RPN2: variants seen among roughly 807,000 people sequenced by gnomAD.
RPN2 encodes the protein ribophorin II.
In RPN2, 29 loss-of-function variants were observed where a neutral mutation model predicts 71.4. The ratio of observed to expected loss-of-function variants is 0.41; its 90% CI spans 0.30 to 0.55. The LOEUF (loss-of-function observed/expected upper bound fraction) is 0.55. Ranked by LOEUF, RPN2 falls within the 20% of genes least tolerant of loss-of-function variation. The probability of loss-of-function intolerance (pLI) is 0.35; values close to 1 mark genes in which losing one functional copy is unlikely to be tolerated. For missense variants in RPN2, 726 were observed against 774.1 expected (o/e 0.94, Z 0.74); for synonymous variants, 308 against 305.0 (o/e 1.01, Z -0.10).
At chr20:37,234,990 A>G (rs1341894121) in intron 15 of RPN2, among the ~76,000 whole-genome samples, 1 of 152,252 alleles carries the variant, frequency 6.6e-6, no homozygotes. Context: ...TGACCTTAAT[A>G]TTTTTAAAAT....
chr20:37,179,919 A>G (rs1048776486), intron 1 of RPN2, among the ~76,000 whole-genome samples: 26 of 152,018 alleles, frequency 1.7e-4, no homozygotes, highest in African/African-American at 6.3e-4. Flanking sequence ...ACCCCTCTAC[A>G]CCTCAGTTTC....
intron 14 of RPN2, among the ~76,000 whole-genome samples, chr20:37,232,924 T>C (rs2068290371): frequency 6.6e-6 from 1 of 152,128 alleles, no homozygotes; most frequent in African/African-American, 2.4e-5. Context: ...CTGTAAAGTT[T>C]TAAAAGGTGG....
chr20:37,228,781 G>T (rs888465546), intron 12 of RPN2, 37 bp downstream of exon 12: 4 of 1,603,802 alleles, frequency 2.5e-6, no homozygotes, highest in Non-Finnish European at 3.4e-6. Context: ...AGGTGAGAGT[G>T]GCTGTGCCCC....
intron 1 of RPN2, among the ~76,000 whole-genome samples, chr20:37,181,431 CTTTTTTT>C (rs748226554): frequency 6.2e-5 from 8 of 129,432 alleles, no homozygotes; most frequent in African/African-American, 2.0e-4. Flanking sequence ...TTTTTCTTTT[CTTTTTTT>C]TTTTTTTTTT....
At chr20:37,238,284 C>A in intron 16 of RPN2, 3 of 803,500 alleles carry the variant, frequency 3.7e-6, no homozygotes, top group Non-Finnish European at 4.3e-6. Context: ...TGAACTCTAC[C>A]CTGGAAAAAT....
chr20:37,189,765 G>T (rs75871137), intron 2 of RPN2, among the ~76,000 whole-genome samples: 458 of 152,314 alleles, frequency 3.0e-3, no homozygotes, highest in Non-Finnish European at 5.0e-3. Context: ...CTGAATCATT[G>T]TAAGAAGAAA....
At chr20:37,220,535 C>T (rs1397525598) in intron 9 of RPN2, among the ~76,000 whole-genome samples, 2 of 152,134 alleles carry the variant, frequency 1.3e-5, no homozygotes, top group Non-Finnish European at 2.9e-5. Flanking sequence ...ACTGCATTTC[C>T]TGGCGTTAAA....
In RPN2 at chr20:37,228,487, A is replaced by G. The variant is rs147288882; in HGVS notation, c.1300-63A>G. 66 of 1,512,980 alleles carry G rather than the reference A, an allele frequency of 4.4e-5. No homozygotes were observed. The African/African-American group carries it at 5.9e-4, about 13-fold the overall frequency. The allele number at this position is 1,512,980 out of a possible 1,614,324, so 93.7% of individuals were successfully genotyped here. On this transcript the variant is annotated intron_variant, in intron 11 of 16. Coordinates refer to ENST00000237530, the MANE Select transcript of RPN2 (RefSeq NM_002951.5). ...AACCGTCTGCTGCCCGGTGGATTCA[A>G]TGTTAGGCCCAGGGAGAATCTTGAA... is the stretch of plus-strand genomic sequence containing the variant.
At chr20:37,217,508 G>A (rs762803332) in intron 9 of RPN2, among the ~76,000 whole-genome samples, 63 of 151,772 alleles carry the variant, frequency 4.2e-4, no homozygotes, top group Admixed American at 6.6e-4. Flanking sequence ...GGCCAGGATG[G>A]TCTTGATCTC....
At chr20:37,208,267 TA>T (rs33943502) in intron 7 of RPN2, among the ~76,000 whole-genome samples, 276 of 141,542 alleles carry the variant, frequency 1.9e-3, no homozygotes, top group African/African-American at 5.5e-3. Context: ...AGACCCTGTC[TA>T]AAAAAAAAAA....
At chr20:37,238,444 A>C in intron 16 of RPN2, 9 of 1,606,072 alleles carry the variant, frequency 5.6e-6, no homozygotes, top group Non-Finnish European at 7.7e-6. Flanking sequence ...AATATAGGAC[A>C]CTACGGTAAA....
intron 4 of RPN2, among the ~76,000 whole-genome samples, chr20:37,201,341 C>T (rs1189124419): frequency 2.2e-5 from 3 of 136,436 alleles, no homozygotes; most frequent in Admixed American, 8.1e-5. Flanking sequence ...CAGTGCAATG[C>T]GATCATATTT....
chr20:37,230,626 G>A (rs1485635658), intron 13 of RPN2, among the ~76,000 whole-genome samples: 1 of 152,144 alleles, frequency 6.6e-6, no homozygotes, highest in Non-Finnish European at 1.5e-5. Flanking sequence ...GGAAACTGAG[G>A]TGGATCCACT....
At chr20:37,207,186 A>T in intron 6 of RPN2, 87 bp from the exon 7 acceptor site, 1 of 1,070,116 alleles carries the variant, frequency 9.3e-7, no homozygotes, top group Non-Finnish European at 1.5e-6. Context: ...CACCCGAAAC[A>T]GATAAGGGTG....
rs993375664 is a variant in RPN2 at position 37,228,762 on chromosome 20, C to A, written c.1494+18C>A. The A allele has an allele frequency of 5.6e-6, 9 of 1,612,944 alleles. No homozygotes were observed. Among genetic ancestry groups the A allele is most frequent in the Non-Finnish European group, 7.6e-6 (9 of 1,179,348 alleles). ...GGAATGTGGTATGTGCCTGAATGTACCCCGACCCAGGTGAGAGTGGCTGTG... is the reference window on the plus strand; with the variant it reads ...GGAATGTGGTATGTGCCTGAATGTAACCCGACCCAGGTGAGAGTGGCTGTG... On this transcript the variant is annotated intron_variant, in intron 12 of 16. Transcript: ENST00000237530.
At chr20:37,213,417 T>C (rs959325793) in intron 8 of RPN2, among the ~76,000 whole-genome samples, 8 of 152,112 alleles carry the variant, frequency 5.3e-5, no homozygotes, top group South Asian at 2.1e-4. Context: ...CTCAGGACCC[T>C]GTCTCTACAA....
In RPN2 at chr20:37,234,086, G is replaced by A; in HGVS notation, c.1744G>A (p.Gly582Arg). 2 of 1,614,080 alleles carry A rather than the reference G, an allele frequency of 1.2e-6. No homozygotes were observed. The highest frequency in any genetic ancestry group is 1.7e-6 in the Non-Finnish European group (2 of 1,180,018). ...TCCTAGCACGATTATATTTCACCTG[G>A]GACATGCTGGTAAGTGCCCCAGGCT... ...FAPSTIIFHL[G>R]HAAMLGLMYV... The change falls in exon 15 of 17, where the codon GGA becomes AGA. Residue 582 changes from glycine (G) to arginine (R), a missense_variant. Coordinates refer to ENST00000237530, the MANE Select transcript of RPN2 (RefSeq NM_002951.5).
At chr20:37,189,817 A>G (rs749309434) in intron 2 of RPN2, among the ~76,000 whole-genome samples, 45 of 152,242 alleles carry the variant, frequency 3.0e-4, no homozygotes, top group Non-Finnish European at 4.4e-5. Flanking sequence ...GGTAGCTATT[A>G]TCGTTCTTAC....
At position 37,207,367 on chromosome 20, in the gene RPN2, T is replaced by C; in HGVS notation, c.785T>C (p.Leu262Pro). 6.2e-7 allele frequency: 1 copy of C among 1,614,170 alleles called. No individual in the cohort carries two copies. The highest frequency in any genetic ancestry group is 8.5e-7 in the Non-Finnish European group (1 of 1,179,968). ...AFSVASAAAVLSHNRYHVPVV... is the reference protein window; with the variant it reads ...AFSVASAAAVPSHNRYHVPVV... ...AGCGTGGCCTCTGCAGCTGCTGTGCTCTCGCATAATCGCTACCACGTGCCA... is the reference window on the plus strand; with the variant it reads ...AGCGTGGCCTCTGCAGCTGCTGTGCCCTCGCATAATCGCTACCACGTGCCA... The change falls in exon 7 of 17, where the codon CTC (leucine) becomes CCC (proline). Residue 262 changes from leucine to proline, a missense_variant. Coordinates refer to ENST00000237530, the MANE Select transcript of RPN2 (RefSeq NM_002951.5).
Sources: gnomAD v4.1 joint callset for allele counts (sites outside exome capture counted in the v4.1 genomes callset) on GRCh38, gnomAD v4.1.1 for gene constraint, MANE v1.5 for transcripts, NCBI Gene and HGNC (gene_info 2026-07-23, HGNC 2026-07-21) for gene names.